Variants in ACTR10 observed in about 807,000 individuals in gnomAD.
ACTR10 encodes the protein actin-related protein 10.
Under a neutral mutation model 56.2 loss-of-function variants are expected in ACTR10, and 43 were observed. The observed-to-expected ratio is 0.77, with a 90% confidence interval of 0.60 to 0.99. ACTR10 has a LOEUF of 0.99. ACTR10 is among the 50% of genes least tolerant of loss of function. The pLI is 0.00. For missense variants in ACTR10, 466 were observed against 507.8 expected, an observed-to-expected ratio of 0.92 and a Z score of 0.79; for synonymous variants, 170 against 176.3, an observed-to-expected ratio of 0.96 and a Z score of 0.28.
intron 7 of ACTR10, 58 bp from the exon 8 acceptor site, chr14:58,219,636 T>C: frequency 8.7e-7 from 1 of 1,143,994 alleles, no homozygotes; most frequent in Non-Finnish European, 1.2e-6. Flanking sequence ...GAAGGCAATT[T>C]AATAGACTGT....
rs183694685 is a variant in ACTR10 at position 58,218,582 on chromosome 14, T to A, written c.599-1112T>A. Among the ~76,000 whole-genome samples the A allele has an allele frequency of 2.2e-3, 336 of 152,178 alleles. No individual in the cohort carries two copies. The South Asian group carries it at 0.026, about 12-fold the overall frequency. ...AATTAAATATTAAATATGCTTTTTTTTAAAAATTATGGCTTAACATTTTAA... is the reference window on the plus strand; with the variant it reads ...AATTAAATATTAAATATGCTTTTTTATAAAAATTATGGCTTAACATTTTAA... On this transcript the variant is annotated intron_variant, in intron 7 of 12. Transcript: ENST00000254286.
At chr14:58,205,331 T>C (rs1305952011) in intron 2 of ACTR10, among the ~76,000 whole-genome samples, 2 of 150,826 alleles carry the variant, frequency 1.3e-5, no homozygotes, top group African/African-American at 2.4e-5. Context: ...TTTTTTTTTT[T>C]TGAGGCGGAG....
At chr14:58,225,608 A>G (rs907041732) in intron 10 of ACTR10, among the ~76,000 whole-genome samples, 1 of 152,080 alleles carries the variant, frequency 6.6e-6, no homozygotes, top group South Asian at 2.1e-4. Flanking sequence ...TATTTATTAA[A>G]TTACTTTTTA....
At chr14:58,223,565 A>G in intron 8 of ACTR10, 57 bp from the exon 9 acceptor site, 1 of 1,377,050 alleles carries the variant, frequency 7.3e-7, no homozygotes, top group Non-Finnish European at 1.0e-6. Flanking sequence ...GGGTGTAGGT[A>G]CACTCTGTTC....
intron 1 of ACTR10, 119 bp from the exon 2 acceptor site, chr14:58,202,736 C>T (rs2140040258): frequency 3.1e-6 from 2 of 639,084 alleles, no homozygotes; most frequent in Non-Finnish European, 5.3e-6. Context: ...TAAAATACAT[C>T]AGGTATTTTC....
chr14:58,213,606 A>G lies in ACTR10; in HGVS notation c.451-25A>G, dbSNP rs750046832. On this transcript the variant is annotated intron_variant, in intron 5 of 12. Coordinates refer to ENST00000254286, the MANE Select transcript of ACTR10 (RefSeq NM_018477.3). ...GAAACCACATTTTATCTCCTAAAATAGTAGTATCCTTGACTACTCTATAGA... is the reference window on the plus strand; with the variant it reads ...GAAACCACATTTTATCTCCTAAAATGGTAGTATCCTTGACTACTCTATAGA... 1.6e-5 allele frequency: 24 copies of G among 1,516,476 alleles called. No homozygotes were observed. In the South Asian group the frequency reaches 2.7e-4, roughly 17 times the overall value. 93.9% of individuals were successfully genotyped at this position (1,516,476 alleles called of 1,614,324 possible). A position where few individuals can be genotyped will look rare whatever the true frequency, so the allele number is the denominator to read the frequency against.
chr14:58,210,380 C>T (rs2140047224), intron 4 of ACTR10, among the ~76,000 whole-genome samples: 1 of 152,162 alleles, frequency 6.6e-6, no homozygotes, highest in South Asian at 2.1e-4. Context: ...CCTGTAGTCC[C>T]AGCTACTCAG....
At chr14:58,230,547 T>G (rs371707614) in intron 11 of ACTR10, 67 bp downstream of exon 11, 1 of 761,160 alleles carries the variant, frequency 1.3e-6, no homozygotes, top group East Asian at 3.0e-5. Flanking sequence ...TTAAATGTTA[T>G]TTTAGGCAAC....
At chr14:58,218,425 C>A (rs12894895) in intron 7 of ACTR10, among the ~76,000 whole-genome samples, 97,754 of 151,950 alleles carry the variant, frequency 0.64, 31,870 homozygotes, top group Middle Eastern at 0.79. Context: ...TTTATTTATA[C>A]ACCATATATG....
chr14:58,230,873 GC>G (rs1323805853), intron 11 of ACTR10, among the ~76,000 whole-genome samples: 1 of 151,466 alleles, frequency 6.6e-6, no homozygotes, highest in Non-Finnish European at 1.5e-5. Context: ...TGATTCTCCT[GC>G]CTCAGCCTCC....
intron 1 of ACTR10, among the ~76,000 whole-genome samples, chr14:58,200,587 G>A (rs1167004641): frequency 6.6e-6 from 1 of 152,172 alleles, no homozygotes. Flanking sequence ...ATCTGTGTAG[G>A]GGATGACAAC....
chr14:58,228,808 T>C (rs1433064044), intron 10 of ACTR10, among the ~76,000 whole-genome samples: 2 of 147,966 alleles, frequency 1.4e-5, no homozygotes, highest in Admixed American at 1.4e-4. Flanking sequence ...CCTCCTGAAA[T>C]GCTGGGATTA....
intron 7 of ACTR10, among the ~76,000 whole-genome samples, chr14:58,216,247 C>T (rs1889131984): frequency 6.6e-6 from 1 of 152,168 alleles, no homozygotes; most frequent in African/African-American, 2.4e-5. Context: ...TTCTCAGCCT[C>T]CTGAGTAGCT....
chr14:58,205,209 G>A (rs533974433), intron 2 of ACTR10, among the ~76,000 whole-genome samples: 78 of 148,942 alleles, frequency 5.2e-4, no homozygotes, highest in Non-Finnish European at 9.9e-4. Flanking sequence ...CAACAAGAGC[G>A]AAACTCCATC....
intron 2 of ACTR10, among the ~76,000 whole-genome samples, chr14:58,206,725 A>G (rs1277085978): frequency 1.3e-5 from 2 of 152,186 alleles, no homozygotes; most frequent in Non-Finnish European, 2.9e-5. Flanking sequence ...GCTTGGTAAT[A>G]TGTGTGTAGG....
In ACTR10 at chr14:58,221,728, G is replaced by A. The variant is rs187573708; in HGVS notation, c.635-1894G>A. Among the ~76,000 whole-genome samples, 86 of 152,172 alleles carry A rather than the reference G, an allele frequency of 5.7e-4. No individual in the cohort carries two copies. In the Middle Eastern group the frequency reaches 0.01, roughly 18 times the overall value. ...TGGACTCCAGCGTGGATGACAGAGTGAAACTCTGTCTCAAAAAAATAAAAA... is the reference window on the plus strand; with the variant it reads ...TGGACTCCAGCGTGGATGACAGAGTAAAACTCTGTCTCAAAAAAATAAAAA... On this transcript the variant is annotated intron_variant, in intron 8 of 12. Transcript: ENST00000254286.
chr14:58,232,928 T>C (rs931293758), intron 12 of ACTR10, among the ~76,000 whole-genome samples: 1 of 151,064 alleles, frequency 6.6e-6, no homozygotes, highest in African/African-American at 2.4e-5. Context: ...TGGAGTGCTA[T>C]AGCGTGATCC....
At chr14:58,215,184 A>C (rs1365327604) in intron 6 of ACTR10, 21 bp from the exon 7 acceptor site, 1 of 1,380,936 alleles carries the variant, frequency 7.2e-7, no homozygotes, top group Admixed American at 2.0e-5. Context: ...CATTCCAGTA[A>C]CTTTTTTTTT....
In ACTR10 at chr14:58,223,698, T is replaced by A; in HGVS notation, c.711T>A (p.Asn237Lys). 6.2e-7 allele frequency: 1 copy of A among 1,609,054 alleles called. No homozygotes were observed. Among genetic ancestry groups the A allele is most frequent in the South Asian group, 1.1e-5 (1 of 90,082 alleles). The change falls in exon 9 of 13, where the codon AAT becomes AAA. Residue 237 changes from asparagine (N) to lysine (K), a missense_variant. Coordinates refer to ENST00000254286, the MANE Select transcript of ACTR10 (RefSeq NM_018477.3). The part of the protein sequence containing the change: ...QAAKFNIDGN[N>K]ERPSPPPNVD... The stretch of plus-strand genomic sequence containing the variant: ...CAAAATTTAATATTGATGGGAATAA[T>A]GAGGTAAGTTTAAAAAAAAAAAAGG...
Sources: gnomAD v4.1 joint callset for allele counts (sites outside exome capture counted in the v4.1 genomes callset) on GRCh38, gnomAD v4.1.1 for gene constraint, MANE v1.5 for transcripts, NCBI Gene and HGNC (gene_info 2026-07-23, HGNC 2026-07-21) for gene names.